Variants in CACNA1H observed in about 807,000 individuals in gnomAD.
CACNA1H encodes calcium voltage-gated channel subunit alpha1 H.
CACNA1H carries 149 observed loss-of-function variants against 192.5 expected under a neutral mutation model. The ratio of observed to expected loss-of-function variants is 0.77; its 90% CI spans 0.68 to 0.89. CACNA1H has a LOEUF of 0.89. CACNA1H is among the 40% of genes least tolerant of loss of function. CACNA1H has a pLI of 0.00. For missense variants in CACNA1H, 4,257 were observed against 3,423.5 expected (o/e 1.24, Z -6.08); for synonymous variants, 2,202 against 1,475.2 (o/e 1.49, Z -11.29).
chr16:1,198,837 G>A (rs1003011723), intron 6 of CACNA1H, 63 bp downstream of exon 6: 35 of 1,480,544 alleles, frequency 2.4e-5, no homozygotes, highest in South Asian at 8.5e-5. Flanking sequence ...TGCAGATAAC[G>A]CACCATGTGG....
At chr16:1,216,796 C>A in intron 30 of CACNA1H, 136 bp from the exon 31 acceptor site, 1 of 604,582 alleles carries the variant, frequency 1.7e-6, no homozygotes, top group South Asian at 1.6e-5. Context: ...AACTTGCTTC[C>A]ACTTGGCCGG....
In CACNA1H at chr16:1,190,520, G is replaced by A. The variant is rs531239993; in HGVS notation, c.300-4452G>A. On this transcript the variant is annotated intron_variant, in intron 2 of 34. Coordinates refer to ENST00000348261, the MANE Select transcript of CACNA1H (RefSeq NM_021098.3). Reference sequence around the variant, plus strand: ...CCTCTCTAGGCAGAGCCCCAGGGGGGCACTGGGACCTGGTACATCTGGCAG... The same window carrying A: ...CCTCTCTAGGCAGAGCCCCAGGGGGACACTGGGACCTGGTACATCTGGCAG... Among the ~76,000 whole-genome samples the A allele has an allele frequency of 1.9e-3, 289 of 152,308 alleles. 2 individuals carry two copies. Among genetic ancestry groups the A allele is most frequent in the Middle Eastern group, 0.01 (3 of 294 alleles).
rs1317005190 is a variant in CACNA1H at position 1,209,075 on chromosome 16, G to T, written c.3407G>T (p.Gly1136Val). ...SSPCAPWGPS[G>V]AWSSRRSSWS... ...CCCTGTGCCCCCTGGGGCCCCAGTG[G>T]CGCCTGGAGCAGCCGGCGCTCCAGC... Residue 1136 changes from glycine to valine, a missense_variant, in exon 17 of 35, where the codon GGC becomes GTC. Physicochemically the swap from Gly to Val is moderately radical, Grantham distance 109. Transcript: ENST00000348261. 1 of 1,541,206 alleles carries T rather than the reference G, an allele frequency of 6.5e-7. No homozygotes were observed. Among genetic ancestry groups the T allele is most frequent in the Non-Finnish European group, 8.7e-7 (1 of 1,148,004 alleles).
At chr16:1,189,609 A>G (rs574492443) in intron 2 of CACNA1H, among the ~76,000 whole-genome samples, 11 of 151,728 alleles carry the variant, frequency 7.2e-5, no homozygotes, top group East Asian at 1.9e-4. Context: ...TTTTGTAGCA[A>G]TGGGGTCTCA....
In CACNA1H at chr16:1,220,543, C is replaced by T. The variant is rs763675499; in HGVS notation, c.6611C>T (p.Ala2204Val). The T allele has an allele frequency of 6.0e-5, 92 of 1,530,360 alleles. No individual in the cohort carries two copies. The highest frequency in any genetic ancestry group is 7.5e-5 in the Non-Finnish European group (86 of 1,145,698). 94.8% of individuals were successfully genotyped at this position (1,530,360 alleles called of 1,614,324 possible). A position where few individuals can be genotyped will look rare whatever the true frequency, so the allele number is the denominator to read the frequency against. The change falls in exon 35 of 35, where the codon GCG (alanine) becomes GTG (valine). Residue 2204 changes from alanine (A) to valine (V), a missense_variant. By Grantham distance (64) the Ala-to-Val change is moderately conservative. Coordinates refer to ENST00000348261, the MANE Select transcript of CACNA1H (RefSeq NM_021098.3). ...VEPPAEDEGS[A>V]RPSAAEGGST... ...CCCCCTGCGGAGGACGAGGGCTCTGCGCGGCCCTCCGCGGCAGAGGGCGGC... is the reference window on the plus strand; with the variant it reads ...CCCCCTGCGGAGGACGAGGGCTCTGTGCGGCCCTCCGCGGCAGAGGGCGGC...
chr16:1,215,208 C>T (rs1310647967), intron 28 of CACNA1H, 34 bp from the exon 29 acceptor site: 2 of 1,589,340 alleles, frequency 1.3e-6, no homozygotes, highest in Non-Finnish European at 1.7e-6. Flanking sequence ...AGGCGGGGAC[C>T]CCAGACGTGT....
chr16:1,193,048 G>A (rs529908867), intron 2 of CACNA1H, among the ~76,000 whole-genome samples: 1 of 152,278 alleles, frequency 6.6e-6, no homozygotes, highest in Admixed American at 6.5e-5. Flanking sequence ...AAGACCCCTG[G>A]CTCAGCCAGG....
chr16:1,168,482 T>A (rs993458957), intron 2 of CACNA1H, among the ~76,000 whole-genome samples: 1 of 151,874 alleles, frequency 6.6e-6, no homozygotes, highest in Non-Finnish European at 1.5e-5. Flanking sequence ...TGGGGGACCC[T>A]CCAGCTTCCC....
At chr16:1,196,934 G>A (rs1422624926) in intron 5 of CACNA1H, among the ~76,000 whole-genome samples, 1 of 152,184 alleles carries the variant, frequency 6.6e-6, no homozygotes, top group Non-Finnish European at 1.5e-5. Context: ...TGTAGATGTG[G>A]CCCCGTGTGT....
intron 10 of CACNA1H, 34 bp downstream of exon 10, chr16:1,204,492 T>G: frequency 2.0e-6 from 3 of 1,493,648 alleles, no homozygotes; most frequent in Non-Finnish European, 2.7e-6. Context: ...GTGGGCTCCC[T>G]GTCAGGCTTG....
At chr16:1,160,919 G>T (rs1300993274) in intron 2 of CACNA1H, among the ~76,000 whole-genome samples, 2 of 152,138 alleles carry the variant, frequency 1.3e-5, no homozygotes, top group African/African-American at 4.8e-5. Context: ...CGAGGCATCA[G>T]CCCAGTGCGG....
chr16:1,169,166 G>T (rs1964106515), intron 2 of CACNA1H, among the ~76,000 whole-genome samples: 2 of 146,922 alleles, frequency 1.4e-5, no homozygotes, highest in East Asian at 2.1e-4. Flanking sequence ...CTGCGGCGGG[G>T]TGGGGGTGGG....
At chr16:1,219,735 G>C (rs1481781714) in intron 34 of CACNA1H, among the ~76,000 whole-genome samples, 3 of 152,158 alleles carry the variant, frequency 2.0e-5, no homozygotes, top group Admixed American at 6.5e-5. Flanking sequence ...GTGCCCCTGG[G>C]GGCCATGGCA....
At chr16:1,176,517 G>A (rs953242536) in intron 2 of CACNA1H, among the ~76,000 whole-genome samples, 4 of 152,236 alleles carry the variant, frequency 2.6e-5, no homozygotes, top group African/African-American at 9.6e-5. Context: ...GAGGCCTGGG[G>A]CCAGTACTTC....
chr16:1,195,122 C>T (rs1426963077), intron 3 of CACNA1H, 39 bp downstream of exon 3: 5 of 902,580 alleles, frequency 5.5e-6, no homozygotes, highest in Admixed American at 3.9e-5. Context: ...GAGCGTGGGT[C>T]GCTACGAGGT....
intron 2 of CACNA1H, among the ~76,000 whole-genome samples, chr16:1,176,946 G>C (rs956574645): frequency 2.6e-5 from 4 of 152,144 alleles, no homozygotes; most frequent in Admixed American, 1.3e-4. Flanking sequence ...GGGTGGCCTG[G>C]GTTTGGCTTA....
At chr16:1,207,737 C>T (rs375428557) in intron 14 of CACNA1H, 33 bp from the exon 15 acceptor site, 236 of 1,557,400 alleles carry the variant, frequency 1.5e-4, no homozygotes, top group Admixed American at 3.2e-4. Flanking sequence ...TCACGGGGCC[C>T]CTCATGCCTG....
Position 1,208,027 on chromosome 16 carries a change from T to C in CACNA1H, c.3169T>C (p.Ser1057Pro), listed in dbSNP as rs1968954875. The change falls in exon 16 of 35, where the codon TCC becomes CCC. Residue 1057 changes from serine to proline, a missense_variant. By Grantham distance (74) the Ser-to-Pro change is moderately conservative. Coordinates refer to ENST00000348261, the MANE Select transcript of CACNA1H (RefSeq NM_021098.3). Reference protein sequence around the residue: ...ELQTTELKMCSLAVTPNGHLE... With the variant: ...ELQTTELKMCPLAVTPNGHLE... The stretch of plus-strand genomic sequence containing the variant: ...CTGTCCCGCAGAGCTGAAGATGTGT[T>C]CCCTGGCCGTGACCCCCAACGGGCA... 1.9e-6 allele frequency: 3 copies of C among 1,605,450 alleles called. No individual in the cohort carries two copies. The highest frequency in any genetic ancestry group is 2.2e-5 in the East Asian group (1 of 44,450).
intron 17 of CACNA1H, among the ~76,000 whole-genome samples, chr16:1,209,796 C>T (rs1171004142): frequency 6.6e-6 from 1 of 152,226 alleles, no homozygotes; most frequent in Non-Finnish European, 1.5e-5. Flanking sequence ...ACCCGCTCAC[C>T]TGGCCCCGTG....
Sources: allele counts gnomAD v4.1 joint callset (sites outside exome capture counted in the v4.1 genomes callset), GRCh38; gene constraint gnomAD v4.1.1; transcripts MANE v1.5; gene names NCBI Gene and HGNC (gene_info 2026-07-23, HGNC 2026-07-21).